The following EXOC3L2 variants were observed in gnomAD, a reference collection of about 807,000 sequenced individuals.
The protein encoded by EXOC3L2 is exocyst complex component 3-like protein 2.
In EXOC3L2, 17 loss-of-function variants were observed where a neutral mutation model predicts 44.4. That is an observed-to-expected ratio of 0.38 (90% CI 0.26 to 0.57). The LOEUF is 0.57. EXOC3L2 is among the 20% of genes least tolerant of loss of function. The pLI is 0.65. For synonymous variants in EXOC3L2, 256 were observed against 253.7 expected (o/e 1.01, Z -0.09); for missense variants, 541 against 588.4 (o/e 0.92, Z 0.83).
At chr19:45,239,884 G>C (rs746641601) in intron 1 of EXOC3L2, among the ~76,000 whole-genome samples, 1 of 151,918 alleles carries the variant, frequency 6.6e-6, no homozygotes, top group Non-Finnish European at 1.5e-5. Flanking sequence ...GAGGGGGGAA[G>C]GCTCCCTCCC....
chr19:45,215,641 C>T (rs902706056), intron 11 of EXOC3L2, among the ~76,000 whole-genome samples: 2 of 152,146 alleles, frequency 1.3e-5, no homozygotes, highest in Non-Finnish European at 2.9e-5. Context: ...CCCCATGGAA[C>T]GGATGAGGAA....
intron 8 of EXOC3L2, among the ~76,000 whole-genome samples, chr19:45,218,641 C>T (rs1039232465): frequency 4.6e-5 from 7 of 151,976 alleles, no homozygotes; most frequent in African/African-American, 1.7e-4. Flanking sequence ...GAACTGAGGC[C>T]CTGGTGATGA....
At chr19:45,218,158 T>TTGCCCCCC in intron 9 of EXOC3L2, 39 bp downstream of exon 9, 4 of 1,034,902 alleles carry the variant, frequency 3.9e-6, no homozygotes, top group South Asian at 1.8e-5. Flanking sequence ...TCCCCTCTTT[T>TTGCCCCCC]CCCCCACCCC....
At chr19:45,219,964 G>A (rs1969879690) in intron 8 of EXOC3L2, among the ~76,000 whole-genome samples, 1 of 151,960 alleles carries the variant, frequency 6.6e-6, no homozygotes, top group African/African-American at 2.4e-5. Flanking sequence ...TTGAGGTCAG[G>A]AGTTCGAGAC....
intron 1 of EXOC3L2, among the ~76,000 whole-genome samples, chr19:45,241,477 C>CAAA (rs554632176): frequency 5.1e-4 from 48 of 94,812 alleles, no homozygotes; most frequent in African/African-American, 2.0e-3. Context: ...GACTCCATCT[C>CAAA]AAAAAAAAAA....
At chr19:45,228,937 G>A (rs1355220206) in intron 4 of EXOC3L2, among the ~76,000 whole-genome samples, 1 of 151,874 alleles carries the variant, frequency 6.6e-6, no homozygotes, top group African/African-American at 2.4e-5. Flanking sequence ...CGGGCGTGGT[G>A]GTGGGCGCCT....
In EXOC3L2 at chr19:45,213,037, TGGGGTCA is replaced by T; in HGVS notation, c.*25_*31del. ...GAGGTTGGCTTGTCAGCAGCATAGA[TGGGGTCA>T]CTAAGGCCGGCGGTTGGGTGACCCT... On this transcript the variant is annotated 3_prime_UTR_variant, in exon 12 of 12. Transcript: ENST00000413988. 1 of 1,457,562 alleles carries T rather than the reference TGGGGTCA, an allele frequency of 6.9e-7. No individual in the cohort carries two copies. 90.3% of individuals were successfully genotyped at this position (1,457,562 alleles called of 1,614,324 possible). A position where few individuals can be genotyped will look rare whatever the true frequency, so the allele number is the denominator to read the frequency against.
chr19:45,241,701 T>C (rs1347559959), intron 1 of EXOC3L2, among the ~76,000 whole-genome samples: 2 of 152,144 alleles, frequency 1.3e-5, no homozygotes, highest in African/African-American at 2.4e-5. Flanking sequence ...TAGACGCCTG[T>C]TCTCCATGCT....
In EXOC3L2 at chr19:45,228,224, CG is replaced by C; in HGVS notation, c.1311del (p.Asp437GlufsTer46). On this transcript the variant is annotated frameshift_variant, in exon 5 of 12. Transcript: ENST00000413988. LOFTEE classifies it high-confidence loss of function. ...RAALLRVLQE[D>X]EEHWGSLEDQ... ...TCCTCCAGGCTCCCCCAGTGCTCTT[CG>C]TCCTCCTGCAGCACACGGAGAAGGG... 6.2e-7 allele frequency: 1 copy of C among 1,614,104 alleles called. No individual in the cohort carries two copies. The highest frequency in any genetic ancestry group is 8.5e-7 in the Non-Finnish European group (1 of 1,180,016).
chr19:45,242,587 C>T (rs1003550176), intron 1 of EXOC3L2, among the ~76,000 whole-genome samples: 22 of 152,056 alleles, frequency 1.4e-4, no homozygotes, highest in African/African-American at 3.9e-4. Flanking sequence ...ACAAGCCAGG[C>T]GCAGTGGCTC....
chr19:45,241,734 C>T (rs1970133523), intron 1 of EXOC3L2, among the ~76,000 whole-genome samples: 1 of 152,198 alleles, frequency 6.6e-6, no homozygotes, highest in Non-Finnish European at 1.5e-5. Flanking sequence ...TCAGGACTCA[C>T]ACTTCAGGAC....
At chr19:45,216,949 AATTCCAGGGT>A (rs1969841734) in intron 10 of EXOC3L2, 1 of 149,550 alleles carries the variant, frequency 6.7e-6, no homozygotes, top group African/African-American at 2.4e-5. Flanking sequence ...GGCGGTTTTT[AATTCCAGGGT>A]TTAGAAATGT....
At position 45,238,538 on chromosome 19, in the gene EXOC3L2, T is replaced by C. The variant is rs769268236; in HGVS notation, c.508A>G (p.Lys170Glu). 25 of 399,658 alleles carry C rather than the reference T, an allele frequency of 6.3e-5. No individual in the cohort carries two copies. Among genetic ancestry groups the C allele is most frequent in the Non-Finnish European group, 1.0e-4 (23 of 226,470 alleles). 24.8% of individuals were successfully genotyped at this position (399,658 alleles called of 1,614,324 possible). Residue 170 changes from lysine to glutamate, a missense_variant, in exon 2 of 12, where the codon AAG (lysine) becomes GAG (glutamate). Coordinates refer to ENST00000413988, the MANE Select transcript of EXOC3L2 (RefSeq NM_001382422.1). The surrounding 1 kb of genome is among the most constrained non-coding windows in gnomAD (Gnocchi z 5.5). ...CCGGACTCACCTGACAATGGCTCCT[T>C]CATCTTTGGGGGCTCTGGGACCTTG... is the stretch of plus-strand genomic sequence containing the variant. ...PPKVPEPPKM[K>E]EPLSVLEILS...
chr19:45,224,245 G>A (rs570749563), intron 8 of EXOC3L2, among the ~76,000 whole-genome samples: 10 of 152,190 alleles, frequency 6.6e-5, no homozygotes, highest in East Asian at 1.9e-4. Context: ...TGATTGTGCC[G>A]GGTTGTGGGG....
In EXOC3L2 at chr19:45,238,843, C is replaced by T. The variant is rs1244827481; in HGVS notation, c.203G>A (p.Arg68Gln). 4 of 398,886 alleles carry T rather than the reference C, an allele frequency of 1.0e-5. No individual in the cohort carries two copies. The highest frequency in any genetic ancestry group is 1.8e-5 in the Non-Finnish European group (4 of 226,036). 24.7% of individuals were successfully genotyped at this position (398,886 alleles called of 1,614,324 possible). The change falls in exon 2 of 12, where the codon CGG becomes CAG. Residue 68 changes from arginine (R) to glutamine (Q), a missense_variant. Physicochemically the swap from Arg to Gln is conservative, Grantham distance 43 (BLOSUM62 1). Coordinates refer to ENST00000413988, the MANE Select transcript of EXOC3L2 (RefSeq NM_001382422.1). This position sits in a 1 kb window ranked among gnomAD's most constrained non-coding sequence, Gnocchi z 5.5. Reference protein sequence around the residue: ...LEKLAGLAPFRLGWAPGRRAG... With the variant: ...LEKLAGLAPFQLGWAPGRRAG... ...CCGCCGGCCCGGGGCCCAGCCCAGC[C>T]GGAAGGGGGCCAGGCCCGCAAGCTT...
rs964067918 is a variant in EXOC3L2 at position 45,212,589 on chromosome 19, T to G, written c.*480A>C. 6.9e-6 allele frequency: 1 copy of G among 144,394 alleles called. No individual in the cohort carries two copies. Among genetic ancestry groups the G allele is most frequent in the African/African-American group, 2.6e-5 (1 of 38,174 alleles). The allele number at this position is 144,394 out of a possible 1,614,324, so 8.9% of individuals were successfully genotyped here. A position where few individuals can be genotyped will look rare whatever the true frequency, so the allele number is the denominator to read the frequency against. On this transcript the variant is annotated 3_prime_UTR_variant, in exon 12 of 12. Coordinates refer to ENST00000413988, the MANE Select transcript of EXOC3L2 (RefSeq NM_001382422.1). ...ATGCTTTGTCTCTTTGGCCTCTGTT[T>G]CCCCCTACCTTTTTTTTTTTTTTTT...
intron 3 of EXOC3L2, 23 bp from the exon 4 acceptor site, chr19:45,231,897 A>T (rs754938891): frequency 5.2e-6 from 8 of 1,538,042 alleles, no homozygotes; most frequent in Admixed American, 1.8e-5. Context: ...GTGAGAGAAA[A>T]GGAGGTCTGT....
At chr19:45,239,589 C>T (rs540537734) in intron 1 of EXOC3L2, among the ~76,000 whole-genome samples, 30 of 150,214 alleles carry the variant, frequency 2.0e-4, no homozygotes, top group African/African-American at 7.1e-4. Flanking sequence ...GGCACGATCT[C>T]GGCTCACTGC....
Position 45,238,096 on chromosome 19 carries a change from C to T in EXOC3L2, c.523+427G>A, listed in dbSNP as rs989168036. On this transcript the variant is annotated intron_variant, in intron 2 of 11. Coordinates refer to ENST00000413988, the MANE Select transcript of EXOC3L2 (RefSeq NM_001382422.1). This position sits in a 1 kb window ranked among gnomAD's most constrained non-coding sequence, Gnocchi z 5.5. ...GAGGATGCAGTGAGCCAAGATTGCA[C>T]CACTGCACTCCAGCCTGGGCGACAG... 2.0e-5 allele frequency among the ~76,000 whole-genome samples: 3 copies of T among 151,964 alleles called. No individual in the cohort carries two copies. Among genetic ancestry groups the T allele is most frequent in the Non-Finnish European group, 4.4e-5 (3 of 68,002 alleles).
Sources: allele counts gnomAD v4.1 joint callset (sites outside exome capture counted in the v4.1 genomes callset), GRCh38; gene constraint gnomAD v4.1.1; non-coding constraint Gnocchi (gnomAD v3.1); transcripts MANE v1.5; gene names NCBI Gene and HGNC (gene_info 2026-07-23, HGNC 2026-07-21).